The following DMXL2 variants were observed in gnomAD, a reference collection of about 807,000 sequenced individuals.
DMXL2 encodes Dmx like 2, also known as dmX-like protein 2.
Under a neutral mutation model 331.1 loss-of-function variants are expected in DMXL2, and 103 were observed. The ratio of observed to expected loss-of-function variants is 0.31; its 90% CI spans 0.27 to 0.37. DMXL2 has a LOEUF of 0.37. Ranked by LOEUF, DMXL2 falls within the 10% of genes least tolerant of loss-of-function variation. The probability of loss-of-function intolerance (pLI) is 1.00; values close to 1 mark genes in which losing one functional copy is unlikely to be tolerated. For synonymous variants in DMXL2, 1,281 were observed against 1,252.1 expected, an observed-to-expected ratio of 1.02 and a Z score of -0.49; for missense variants, 3,171 against 3,642.9, an observed-to-expected ratio of 0.87 and a Z score of 3.33.
Position 51,474,419 on chromosome 15 carries a change from G to A in DMXL2, c.7138C>T (p.Arg2380Ter), listed in dbSNP as rs1457039914. ...FRLAAHPLNN[R>*]MWAAVFGGGV... Reference sequence around the variant, plus strand: ...CCTCCAAAAACAGCAGCCCACATTCGATTATTTAATGGGTGGGCTGCAAGC... The same window carrying A: ...CCTCCAAAAACAGCAGCCCACATTCAATTATTTAATGGGTGGGCTGCAAGC... The change falls in exon 28 of 44, where the codon CGA becomes TGA. Residue 2380 changes from arginine to a stop codon, truncating the protein, a stop_gained. Transcript: ENST00000560891. LOFTEE classifies it high-confidence loss of function. The A allele has an allele frequency of 6.2e-7, 1 of 1,613,714 alleles. No homozygotes were observed. The highest frequency in any genetic ancestry group is 2.2e-5 in the East Asian group (1 of 44,884).
chr15:51,603,645 T>C (rs2053378957), intron 1 of DMXL2: 1 of 151,692 alleles, frequency 6.6e-6, no homozygotes, highest in Admixed American at 6.6e-5. Flanking sequence ...GGCAGGCAGA[T>C]CACGAGGTCA....
In DMXL2 at chr15:51,463,557, C is replaced by T. The variant is rs923430252; in HGVS notation, c.7809-61G>A. ...TCTATAGAAAATATGTTTATATTTG[C>T]AGATATTTATTTTTAAAACCTTCAC... On this transcript the variant is annotated intron_variant, in intron 32 of 43. Transcript: ENST00000560891. The T allele has an allele frequency of 8.1e-6, 8 of 983,188 alleles. No homozygotes were observed. In the Admixed American group the frequency reaches 1.1e-4, roughly 13 times the overall value. The allele number at this position is 983,188 out of a possible 1,614,324, so 60.9% of individuals were successfully genotyped here. A position where few individuals can be genotyped will look rare whatever the true frequency, so the allele number is the denominator to read the frequency against.
intron 13 of DMXL2, among the ~76,000 whole-genome samples, chr15:51,529,827 C>T (rs893250865): frequency 1.3e-5 from 2 of 152,110 alleles, no homozygotes; most frequent in African/African-American, 4.8e-5. Flanking sequence ...AGGTCAATAA[C>T]TCTGATGAAT....
chr15:51,478,137 C>CT, intron 26 of DMXL2, 134 bp downstream of exon 26: 1 of 602,646 alleles, frequency 1.7e-6, no homozygotes, highest in South Asian at 2.6e-5. Flanking sequence ...TTCTGATTCT[C>CT]TCGCATGTAT....
At chr15:51,515,153 T>C (rs911055331) in intron 14 of DMXL2, among the ~76,000 whole-genome samples, 23 of 152,292 alleles carry the variant, frequency 1.5e-4, no homozygotes, top group African/African-American at 5.5e-4. Flanking sequence ...CCTCGAAGGA[T>C]GGATGAAACA....
chr15:51,506,558 A>G (rs931491949), intron 16 of DMXL2, among the ~76,000 whole-genome samples: 2 of 145,336 alleles, frequency 1.4e-5, no homozygotes, highest in African/African-American at 5.2e-5. Flanking sequence ...GGTTCACGCC[A>G]TTCTCCTGCC....
At chr15:51,550,705 A>G (rs1173666964) in intron 6 of DMXL2, among the ~76,000 whole-genome samples, 1 of 152,182 alleles carries the variant, frequency 6.6e-6, no homozygotes, top group South Asian at 2.1e-4. Context: ...AAACTTTATG[A>G]ACATAAACGA....
intron 20 of DMXL2, among the ~76,000 whole-genome samples, chr15:51,489,022 C>T (rs1395125521): frequency 6.6e-6 from 1 of 152,016 alleles, no homozygotes; most frequent in Non-Finnish European, 1.5e-5. Flanking sequence ...TACAGTCACA[C>T]AGTAAGGGTT....
Position 51,460,838 on chromosome 15 carries a change from CT to C in DMXL2, c.7927-1179del, listed in dbSNP as rs370191284. Among the ~76,000 whole-genome samples, 629 of 151,938 alleles carry C rather than the reference CT, an allele frequency of 4.1e-3. 4 individuals carry two copies. Among genetic ancestry groups the C allele is most frequent in the African/African-American group, 0.015 (602 of 41,464 alleles). On this transcript the variant is annotated intron_variant, in intron 33 of 43. Coordinates refer to ENST00000560891, the MANE Select transcript of DMXL2 (RefSeq NM_001378457.1). ...CATAATTTTTTTCTTAATAAAACAC[CT>C]TTTTTTTCAGATCTGAGCTATTCAA...
chr15:51,496,505 C>T (rs2043190707), intron 18 of DMXL2, among the ~76,000 whole-genome samples: 1 of 152,094 alleles, frequency 6.6e-6, no homozygotes, highest in East Asian at 1.9e-4. Context: ...TCGTGTGGGG[C>T]CTTTTAGGCC....
At chr15:51,450,086 CCAAT>C in intron 43 of DMXL2, 39 bp downstream of exon 43, 1 of 1,549,578 alleles carries the variant, frequency 6.5e-7, no homozygotes, top group Non-Finnish European at 8.8e-7. Flanking sequence ...TTTTCTCTTT[CCAAT>C]CAGTCTTTAG....
chr15:51,524,685 G>A (rs968872256), intron 13 of DMXL2, among the ~76,000 whole-genome samples: 3 of 152,140 alleles, frequency 2.0e-5, no homozygotes, highest in Non-Finnish European at 2.9e-5. Context: ...CTCAGCTGAC[G>A]CTCACCCATG....
intron 20 of DMXL2, among the ~76,000 whole-genome samples, chr15:51,489,579 C>A (rs1214124252): frequency 6.6e-6 from 1 of 151,174 alleles, no homozygotes; most frequent in African/African-American, 2.4e-5. Context: ...TGCTTCAACC[C>A]AGGAAGAGGA....
intron 13 of DMXL2, among the ~76,000 whole-genome samples, chr15:51,520,194 T>C (rs1355045852): frequency 6.6e-6 from 1 of 152,194 alleles, no homozygotes. Context: ...AATATCCTTT[T>C]CCTCCTTCAC....
intron 1 of DMXL2, among the ~76,000 whole-genome samples, chr15:51,602,899 T>C (rs2053327932): frequency 6.6e-6 from 1 of 152,194 alleles, no homozygotes. Flanking sequence ...TGTCCAGGCA[T>C]AATCCAAAAT....
chr15:51,454,583 G>T (rs568508750), intron 40 of DMXL2, among the ~76,000 whole-genome samples: 1 of 152,030 alleles, frequency 6.6e-6, no homozygotes, highest in East Asian at 1.9e-4. Context: ...TGCAACCTCC[G>T]CCTCCTGGGT....
chr15:51,468,114 C>T (rs1159085152), intron 29 of DMXL2, among the ~76,000 whole-genome samples: 1 of 152,132 alleles, frequency 6.6e-6, no homozygotes, highest in Non-Finnish European at 1.5e-5. Flanking sequence ...CATCAAATCA[C>T]TAACAAAGTG....
chr15:51,454,381 A>G (rs1352821574), intron 40 of DMXL2, among the ~76,000 whole-genome samples: 3 of 151,590 alleles, frequency 2.0e-5, no homozygotes, highest in African/African-American at 4.9e-5. Flanking sequence ...AGATCTACTT[A>G]TCTTCATCAC....
At chr15:51,474,927 A>C (rs940264389) in intron 27 of DMXL2, among the ~76,000 whole-genome samples, 3 of 152,214 alleles carry the variant, frequency 2.0e-5, no homozygotes, top group Non-Finnish European at 2.9e-5. Flanking sequence ...TCAGGCAAAA[A>C]TCATCACTAG....
Sources: allele counts gnomAD v4.1 joint callset (sites outside exome capture counted in the v4.1 genomes callset), GRCh38; gene constraint gnomAD v4.1.1; transcripts MANE v1.5; gene names NCBI Gene and HGNC (gene_info 2026-07-23, HGNC 2026-07-21).